The following SLC6A11 variants were observed in gnomAD, a reference collection of about 807,000 sequenced individuals.
SLC6A11 encodes sodium- and chloride-dependent GABA transporter 3.
A neutral mutation model predicts 74.8 loss-of-function variants in SLC6A11; 25 were observed. That is an observed-to-expected ratio of 0.33 (90% CI 0.24 to 0.47). The LOEUF is 0.47. Among genes scored for constraint, SLC6A11 ranks in the 20% least tolerant of loss-of-function variants. SLC6A11 has a pLI of 1.00. For synonymous variants in SLC6A11, 330 were observed against 330.2 expected (o/e 1.00, Z 0.01); for missense variants, 574 against 837.0 (o/e 0.69, Z 3.88).
chr3:10,930,104 CA>C (rs1228341653), intron 10 of SLC6A11, among the ~76,000 whole-genome samples: 1 of 152,194 alleles, frequency 6.6e-6, no homozygotes, highest in East Asian at 1.9e-4. Flanking sequence ...TCACTAAAAG[CA>C]ACTGATGTAA....
chr3:10,856,983 A>C (rs990509322), intron 5 of SLC6A11, among the ~76,000 whole-genome samples: 1 of 152,136 alleles, frequency 6.6e-6, no homozygotes, highest in African/African-American at 2.4e-5. Flanking sequence ...TACAGGGAAC[A>C]CCCCAATGTT....
At chr3:10,899,559 C>T (rs1302713026) in intron 6 of SLC6A11, among the ~76,000 whole-genome samples, 1 of 152,228 alleles carries the variant, frequency 6.6e-6, no homozygotes, top group Non-Finnish European at 1.5e-5. Context: ...TCCATTTCCC[C>T]TCTCAGCCTC....
chr3:10,834,352 G>GTTT (rs138938564), intron 4 of SLC6A11, among the ~76,000 whole-genome samples: 3,931 of 145,588 alleles, frequency 0.027, 152 homozygotes, highest in African/African-American at 0.094. Context: ...TTTTTTTTTT[G>GTTT]TTTTTTTTTT....
intron 6 of SLC6A11, among the ~76,000 whole-genome samples, chr3:10,904,602 C>G (rs1425769163): frequency 6.6e-6 from 1 of 152,224 alleles, no homozygotes; most frequent in Non-Finnish European, 1.5e-5. Flanking sequence ...GAAGCCCTTT[C>G]TCTGCTGAGC....
chr3:10,925,042 G>A (rs1033404091), intron 8 of SLC6A11, among the ~76,000 whole-genome samples: 13 of 152,252 alleles, frequency 8.5e-5, no homozygotes, highest in East Asian at 3.8e-4. Context: ...GTTGCCCAAC[G>A]TGAAGAGGAG....
chr3:10,838,605 C>T (rs1694397552), intron 4 of SLC6A11, among the ~76,000 whole-genome samples: 1 of 152,130 alleles, frequency 6.6e-6, no homozygotes, highest in Admixed American at 6.5e-5. Flanking sequence ...AAAAATTAGC[C>T]AGGCTTGGTG....
intron 6 of SLC6A11, among the ~76,000 whole-genome samples, chr3:10,894,219 A>G (rs1384581447): frequency 1.3e-5 from 2 of 152,202 alleles, no homozygotes; most frequent in Non-Finnish European, 2.9e-5. Context: ...CGTTAGTCAG[A>G]TTCCCAGGGA....
chr3:10,903,781 G>A (rs1200220814), intron 6 of SLC6A11, among the ~76,000 whole-genome samples: 4 of 152,188 alleles, frequency 2.6e-5, no homozygotes, highest in African/African-American at 7.2e-5. Flanking sequence ...GAGCCAGGAC[G>A]GTACTGAAGG....
chr3:10,881,499 A>G (rs1465670640), intron 6 of SLC6A11, among the ~76,000 whole-genome samples: 1 of 152,352 alleles, frequency 6.6e-6, no homozygotes, highest in Non-Finnish European at 1.5e-5. Flanking sequence ...CTTCCTGGAA[A>G]GGTCCACTGG....
In SLC6A11 at chr3:10,915,034, C is replaced by T. The variant is rs1274199350; in HGVS notation, c.995+2841C>T. 6.6e-6 allele frequency among the ~76,000 whole-genome samples: 1 copy of T among 152,172 alleles called. No individual in the cohort carries two copies. The highest frequency in any genetic ancestry group is 1.9e-4 in the East Asian group (1 of 5,186). ...ATGCAGGGCAGTCAGAAAGAAACCACCCCATTACATAAGCAAGGAGATGGT... is the reference window on the plus strand; with the variant it reads ...ATGCAGGGCAGTCAGAAAGAAACCATCCCATTACATAAGCAAGGAGATGGT... On this transcript the variant is annotated intron_variant, in intron 7 of 13. Coordinates refer to ENST00000254488, the MANE Select transcript of SLC6A11 (RefSeq NM_014229.3). This position sits in a 1 kb window ranked among gnomAD's most constrained non-coding sequence, Gnocchi z 4.3.
chr3:10,929,935 C>T (rs191000119), intron 10 of SLC6A11, among the ~76,000 whole-genome samples: 24 of 152,164 alleles, frequency 1.6e-4, no homozygotes, highest in African/African-American at 5.8e-4. Flanking sequence ...GCCATCCTGT[C>T]AAATAAATAC....
intron 6 of SLC6A11, among the ~76,000 whole-genome samples, chr3:10,877,841 T>G (rs1210860692): frequency 3.9e-5 from 6 of 152,160 alleles, no homozygotes; most frequent in Admixed American, 3.9e-4. Context: ...TCTCAAGTGT[T>G]TACCACTTGG....
At chr3:10,929,419 T>C in intron 10 of SLC6A11, 80 bp downstream of exon 10, 2 of 1,528,180 alleles carry the variant, frequency 1.3e-6, no homozygotes, top group Non-Finnish European at 9.0e-7. Flanking sequence ...ACCAGCTGTG[T>C]GACCCGGGTC....
At chr3:10,896,888 A>T (rs990426229) in intron 6 of SLC6A11, among the ~76,000 whole-genome samples, 1 of 152,212 alleles carries the variant, frequency 6.6e-6, no homozygotes. Context: ...ATTAGTCCAT[A>T]TTCACGTTGC....
chr3:10,875,022 T>C lies in SLC6A11; in HGVS notation c.818T>C (p.Val273Ala). 1 of 1,613,760 alleles carries C rather than the reference T, an allele frequency of 6.2e-7. No homozygotes were observed. Among genetic ancestry groups the C allele is most frequent in the Non-Finnish European group, 8.5e-7 (1 of 1,179,830 alleles). The change falls in exon 6 of 14, where the codon GTC becomes GCC. Residue 273 changes from valine to alanine, a missense_variant. By Grantham distance (64) the Val-to-Ala change is moderately conservative. Coordinates refer to ENST00000254488, the MANE Select transcript of SLC6A11 (RefSeq NM_014229.3). The stretch of plus-strand genomic sequence containing the variant: ...CTGCTGATCCTCCTGATACGAGGGG[T>C]CACGTTGCCCGGGGCCTCAGAGGGC... ...IMLLILLIRG[V>A]TLPGASEGIK...
chr3:10,910,258 G>A (rs1695368990), intron 6 of SLC6A11, among the ~76,000 whole-genome samples: 1 of 152,164 alleles, frequency 6.6e-6, no homozygotes, highest in Non-Finnish European at 1.5e-5. Context: ...AACACAGTTG[G>A]GCAGACCCAC....
At chr3:10,864,172 T>C (rs1197825765) in intron 5 of SLC6A11, among the ~76,000 whole-genome samples, 2 of 152,008 alleles carry the variant, frequency 1.3e-5, no homozygotes, top group South Asian at 2.1e-4. Flanking sequence ...TAATAGAGTC[T>C]TGGACTCTCA....
intron 6 of SLC6A11, among the ~76,000 whole-genome samples, chr3:10,902,230 G>T (rs2106620970): frequency 6.6e-6 from 1 of 152,372 alleles, no homozygotes; most frequent in South Asian, 2.1e-4. Flanking sequence ...GTACTGTTGG[G>T]TCTGACGGTT....
intron 5 of SLC6A11, among the ~76,000 whole-genome samples, chr3:10,849,274 A>T (rs143282385): frequency 6.6e-6 from 1 of 152,202 alleles, no homozygotes; most frequent in African/African-American, 2.4e-5. Flanking sequence ...GGATGATACA[A>T]AGTTTCACTT....
Sources: allele counts gnomAD v4.1 joint callset (sites outside exome capture counted in the v4.1 genomes callset), GRCh38; gene constraint gnomAD v4.1.1; non-coding constraint Gnocchi (gnomAD v3.1); transcripts MANE v1.5; gene names NCBI Gene and HGNC (gene_info 2026-07-23, HGNC 2026-07-21).